The following PSMD6 variants were observed in gnomAD, a reference collection of about 807,000 sequenced individuals.
PSMD6 encodes the protein proteasome 26S subunit, non-ATPase 6.
In PSMD6, 7 loss-of-function variants were observed where a neutral mutation model predicts 44.9. The observed-to-expected ratio is 0.16, with a 90% CI of 0.09 to 0.29. The LOEUF is 0.29. Ranked by LOEUF, PSMD6 falls within the 10% of genes least tolerant of loss-of-function variation. The pLI is 1.00. For missense variants in PSMD6, 420 were observed against 482.6 expected (o/e 0.87, Z 1.21); for synonymous variants, 184 against 172.7 (o/e 1.07, Z -0.51).
intron 5 of PSMD6, chr3:64,017,221 T>C (rs9828933): frequency 0.25 from 37,756 of 152,140 alleles, 5,659 homozygotes; most frequent in African/African-American, 0.41. Context: ...TCTGGAATTA[T>C]TAATATTTGC....
chr3:64,020,608 C>T (rs2076113733), intron 2 of PSMD6, among the ~76,000 whole-genome samples: 2 of 152,128 alleles, frequency 1.3e-5, no homozygotes, highest in Non-Finnish European at 1.5e-5. Context: ...TTTACAATGA[C>T]CACGTCTTAA....
At chr3:64,011,015 A>T (rs1303769275) in intron 6 of PSMD6, 60 bp from the exon 7 acceptor site, 1 of 1,341,742 alleles carries the variant, frequency 7.5e-7, no homozygotes, top group East Asian at 2.3e-5. Flanking sequence ...GAAAAATGCA[A>T]ACGGCATTAA....
intron 6 of PSMD6, chr3:64,012,217 C>T (rs2075968535): frequency 6.6e-6 from 1 of 152,040 alleles, no homozygotes; most frequent in Non-Finnish European, 1.5e-5. Flanking sequence ...TTAAAAAATA[C>T]TAGAAAGAGA....
At chr3:64,023,523 G>A (rs1328994453), upstream of PSMD6, 3 of 1,437,264 alleles carry the variant, frequency 2.1e-6, no homozygotes, top group African/African-American at 4.4e-5. Flanking sequence ...CCTGCGGCCC[G>A]GCTTCCGGTC....
chr3:64,019,768 A>T (rs1234870983), intron 2 of PSMD6: 1 of 210,478 alleles, frequency 4.8e-6, no homozygotes, highest in Non-Finnish European at 9.3e-6. Context: ...TCTCATAATC[A>T]CAATACACTA....
At chr3:64,016,480 T>A (rs1260885182) in intron 5 of PSMD6, 1 of 151,266 alleles carries the variant, frequency 6.6e-6, no homozygotes, top group South Asian at 2.1e-4. Flanking sequence ...GCATAAGTTC[T>A]GCTCCCAGAA....
chr3:64,013,801 G>T, intron 5 of PSMD6, 194 bp from the exon 6 acceptor site: 1 of 425,276 alleles, frequency 2.4e-6, no homozygotes, highest in Non-Finnish European at 4.1e-6. Context: ...TGCAAACATC[G>T]TCTTCAAGTA....
At chr3:64,013,693 C>G in intron 5 of PSMD6, 86 bp from the exon 6 acceptor site, 1 of 1,207,926 alleles carries the variant, frequency 8.3e-7, no homozygotes, top group Non-Finnish European at 1.1e-6. Flanking sequence ...CTAGTTGAGT[C>G]CAACAGATAG....
intron 1 of PSMD6, 76 bp downstream of exon 1, chr3:64,023,199 A>T: frequency 6.8e-7 from 1 of 1,470,304 alleles, no homozygotes; most frequent in Non-Finnish European, 9.0e-7. Context: ...CTCCATCAAA[A>T]AAAGTCCCCG....
chr3:64,018,805 GTTTGGTCA>G lies in PSMD6; in HGVS notation c.717+5_717+12del, dbSNP rs760045372. 7 of 1,553,356 alleles carry G rather than the reference GTTTGGTCA, an allele frequency of 4.5e-6. No individual in the cohort carries two copies. The Admixed American group carries it at 1.2e-4, about 26-fold the overall frequency. On this transcript the variant is annotated splice_donor_5th_base_variant and intron_variant, in intron 4 of 7. Transcript: ENST00000295901. ...CAAGTCTTTAAATTTGAGTATTAAAGTTTGGTCATTACCTTTTCCCTGAGATCTGGTCT... is the reference window on the plus strand; with the variant it reads ...CAAGTCTTTAAATTTGAGTATTAAAGTTACCTTTTCCCTGAGATCTGGTCT...
chr3:64,022,618 A>G, intron 1 of PSMD6, 95 bp from the exon 2 acceptor site: 1 of 1,578,562 alleles, frequency 6.3e-7, no homozygotes, highest in Non-Finnish European at 8.6e-7. Flanking sequence ...GCCACAAGTC[A>G]TCCACCAGTC....
At chr3:64,022,837 T>G in intron 1 of PSMD6, 1 of 1,533,936 alleles carries the variant, frequency 6.5e-7, no homozygotes. Flanking sequence ...ACACACATAC[T>G]CACATACATA....
At chr3:64,013,311 G>GA (rs1237953781) in intron 6 of PSMD6, 128 bp downstream of exon 6, 10 of 954,226 alleles carry the variant, frequency 1.0e-5, no homozygotes, top group Admixed American at 5.4e-5. Context: ...TAATACTGAG[G>GA]AAAAAAACCT....
intron 5 of PSMD6, chr3:64,015,578 A>C (rs1156278361): frequency 4.6e-5 from 7 of 152,246 alleles, no homozygotes; most frequent in Admixed American, 4.6e-4. Flanking sequence ...TACTGACTAA[A>C]TGACCAACTA....
At chr3:64,016,273 G>A (rs1393976922) in intron 5 of PSMD6, 3 of 152,096 alleles carry the variant, frequency 2.0e-5, no homozygotes, top group African/African-American at 7.2e-5. Flanking sequence ...TTTTATATGT[G>A]AGTGAATGTG....
At chr3:64,017,373 T>G (rs1032240388) in intron 5 of PSMD6, 1 of 152,070 alleles carries the variant, frequency 6.6e-6, no homozygotes. Flanking sequence ...TTGTTCTGAC[T>G]GAGGGAAGCA....
At chr3:64,019,220 AG>A (rs1559677257) in intron 3 of PSMD6, 75 bp downstream of exon 3, 1 of 1,489,822 alleles carries the variant, frequency 6.7e-7, no homozygotes, top group Admixed American at 1.9e-5. Flanking sequence ...TAAACAAAAC[AG>A]GCAGTTTCTT....
chr3:64,023,027 G>T (rs1665846696), intron 1 of PSMD6: 29 of 1,424,732 alleles, frequency 2.0e-5, no homozygotes, highest in Non-Finnish European at 2.7e-5. Context: ...AATGCCTCAC[G>T]ATTCTCCCCC....
chr3:64,018,016 A>C (rs73834178), intron 5 of PSMD6, among the ~76,000 whole-genome samples: 4,670 of 152,310 alleles, frequency 0.031, 146 homozygotes, highest in African/African-American at 0.083. Flanking sequence ...GATCACTACA[A>C]ACTAGCTTTG....
Sources: gnomAD v4.1 joint callset for allele counts (sites outside exome capture counted in the v4.1 genomes callset) on GRCh38, gnomAD v4.1.1 for gene constraint, MANE v1.5 for transcripts, NCBI Gene and HGNC (gene_info 2026-07-23, HGNC 2026-07-21) for gene names.